CD99L2: variants seen among roughly 807,000 people sequenced by gnomAD.
The protein encoded by CD99L2 is CD99 antigen-like protein 2.
CD99L2 carries 24 observed loss-of-function variants against 27.3 expected under a neutral mutation model. The observed-to-expected ratio is 0.88, with a 90% confidence interval of 0.64 to 1.24. The LOEUF (loss-of-function observed/expected upper bound fraction) is 1.24, where lower values mean the gene tolerates loss of function less well. Among genes scored for constraint, CD99L2 ranks in the 50% most tolerant of loss-of-function variants. The pLI is 0.00. For synonymous variants in CD99L2, 97 were observed against 87.9 expected, an observed-to-expected ratio of 1.10 and a Z score of -0.58; for missense variants, 255 against 221.6, an observed-to-expected ratio of 1.15 and a Z score of -0.96.
At chrX:150,786,922 A>C (rs990433910) in intron 7 of CD99L2, among the ~76,000 whole-genome samples, 1 of 112,041 alleles carries the variant, frequency 8.9e-6, no homozygotes, top group Non-Finnish European at 1.9e-5. Context: ...TGGTGTGAGA[A>C]GGTATCTCAT....
intron 10 of CD99L2, among the ~76,000 whole-genome samples, chrX:150,769,461 C>T (rs1557418877): frequency 2.7e-5 from 3 of 112,728 alleles, no homozygotes; most frequent in East Asian, 2.8e-4. Flanking sequence ...ACAGTGGATG[C>T]GACAGCGGAA....
At chrX:150,847,788 C>T (rs918545440) in intron 1 of CD99L2, among the ~76,000 whole-genome samples, 10 of 111,132 alleles carry the variant, frequency 9.0e-5, no homozygotes, top group Non-Finnish European at 1.5e-4. Flanking sequence ...ACTGTCCCGA[C>T]ATCTTCTCCT....
intron 1 of CD99L2, among the ~76,000 whole-genome samples, chrX:150,841,218 G>A (rs1456522322): frequency 2.7e-5 from 3 of 110,935 alleles, no homozygotes; most frequent in Non-Finnish European, 5.7e-5. Context: ...AAAAAGAATG[G>A]GATAAGCCTA....
chrX:150,818,019 A>C (rs73609560), intron 2 of CD99L2, among the ~76,000 whole-genome samples: 7,660 of 103,966 alleles, frequency 0.074, 457 homozygotes, highest in African/African-American at 0.18. Flanking sequence ...ATAATTATTT[A>C]TAATGATGAA....
intron 7 of CD99L2, among the ~76,000 whole-genome samples, chrX:150,789,121 T>C (rs2045643527): frequency 1.5e-5 from 1 of 65,915 alleles, no homozygotes; most frequent in Admixed American, 2.5e-4. Context: ...GAATTCTTTT[T>C]TTCTTTTTTT....
intron 1 of CD99L2, among the ~76,000 whole-genome samples, chrX:150,836,816 G>A (rs782713372): frequency 9.0e-6 from 1 of 111,686 alleles, no homozygotes; most frequent in Non-Finnish European, 1.9e-5. Context: ...AACCTGTACA[G>A]CATGTGACTG....
chrX:150,872,835 G>A (rs943097855), intron 1 of CD99L2, among the ~76,000 whole-genome samples: 1 of 111,881 alleles, frequency 8.9e-6, no homozygotes, highest in Non-Finnish European at 1.9e-5. Context: ...GAAAGGTATG[G>A]GAAGGAGCAA....
chrX:150,814,749 G>T, intron 4 of CD99L2, 113 bp downstream of exon 4: 1 of 633,326 alleles, frequency 1.6e-6, no homozygotes, highest in Non-Finnish European at 2.6e-6. Flanking sequence ...TTCTCCAGTG[G>T]CTTGAAGTGC....
chrX:150,859,499 C>CTT (rs111395631), intron 1 of CD99L2, among the ~76,000 whole-genome samples: 1 of 96,889 alleles, frequency 1.0e-5, no homozygotes. Context: ...AACTCTGTCT[C>CTT]TTTTTTTTTT....
At chrX:150,798,430 G>A (rs188301695) in intron 4 of CD99L2, among the ~76,000 whole-genome samples, 29 of 110,767 alleles carry the variant, frequency 2.6e-4, no homozygotes, top group African/African-American at 8.9e-4. Context: ...CCATTCGATC[G>A]GGGAAAGGAC....
At chrX:150,854,952 G>C (rs782605454) in intron 1 of CD99L2, among the ~76,000 whole-genome samples, 175 of 110,571 alleles carry the variant, frequency 1.6e-3, no homozygotes, top group African/African-American at 5.6e-3. Flanking sequence ...AGGGAGGAAA[G>C]GGGACCCATG....
At chrX:150,779,264 G>C (rs1215949597) in intron 7 of CD99L2, among the ~76,000 whole-genome samples, 1 of 112,181 alleles carries the variant, frequency 8.9e-6, no homozygotes, top group Non-Finnish European at 1.9e-5. Context: ...CTTTCAAAAA[G>C]ACTCAAAGCT....
chrX:150,816,009 G>A lies in CD99L2; in HGVS notation c.200C>T (p.Pro67Leu), dbSNP rs540165495. The change falls in exon 3 of 11, where the codon CCA becomes CTA. Residue 67 changes from proline to leucine, a missense_variant and splice_region_variant. Coordinates refer to ENST00000370377, the MANE Select transcript of CD99L2 (RefSeq NM_031462.4). ...PGTTRAPAKP[P>L]GSGLDLADAL... Reference sequence around the variant, plus strand: ...CCTCCTTAAGGCAGCCACATTACCTGGAGGTTTTGCCGGAGCTCTGGTGGT... The same window carrying A: ...CCTCCTTAAGGCAGCCACATTACCTAGAGGTTTTGCCGGAGCTCTGGTGGT... 5.0e-6 allele frequency: 6 copies of A among 1,209,361 alleles called. 1 individual carries two copies. In the African/African-American group the frequency reaches 8.8e-5, roughly 18 times the overall value.
At chrX:150,772,888 TGGAGG>T (rs1421932949) in intron 9 of CD99L2, among the ~76,000 whole-genome samples, 1 of 110,240 alleles carries the variant, frequency 9.1e-6, no homozygotes, top group Non-Finnish European at 1.9e-5. Context: ...GAAGGAAGGT[TGGAGG>T]GGAGGGGAAG....
chrX:150,805,627 A>AC (rs781821438), intron 4 of CD99L2, among the ~76,000 whole-genome samples: 16 of 111,488 alleles, frequency 1.4e-4, no homozygotes, highest in Middle Eastern at 9.2e-3. Context: ...ATAGTCAAAA[A>AC]CTGGGAGCAA....
chrX:150,875,501 C>G (rs1231927736), intron 1 of CD99L2, among the ~76,000 whole-genome samples: 1 of 111,755 alleles, frequency 8.9e-6, no homozygotes, highest in Non-Finnish European at 1.9e-5. Flanking sequence ...TATAAGAGTA[C>G]CTACCTCTCT....
At chrX:150,798,819 C>A (rs2045855863) in intron 4 of CD99L2, among the ~76,000 whole-genome samples, 1 of 112,461 alleles carries the variant, frequency 8.9e-6, no homozygotes, top group Non-Finnish European at 1.9e-5. Flanking sequence ...CACAATCATG[C>A]CACTCAGTGC....
chrX:150,854,011 T>C (rs1469558836), intron 1 of CD99L2, among the ~76,000 whole-genome samples: 2 of 111,538 alleles, frequency 1.8e-5, no homozygotes, highest in Non-Finnish European at 3.8e-5. Context: ...AGGCAAGATG[T>C]ACCTCCTTTG....
intron 4 of CD99L2, among the ~76,000 whole-genome samples, chrX:150,801,400 C>T (rs987810503): frequency 8.9e-6 from 1 of 111,853 alleles, no homozygotes; most frequent in East Asian, 2.8e-4. Flanking sequence ...CTTCACTTCA[C>T]AAGGTGGCAG....
Sources: gnomAD v4.1 joint callset for allele counts (sites outside exome capture counted in the v4.1 genomes callset) on GRCh38, gnomAD v4.1.1 for gene constraint, MANE v1.5 for transcripts, NCBI Gene and HGNC (gene_info 2026-07-23, HGNC 2026-07-21) for gene names.